ZFX: variants seen among roughly 807,000 people sequenced by gnomAD.
ZFX encodes zinc finger protein X-linked.
For synonymous variants in ZFX, 196 were observed against 226.8 expected, an observed-to-expected ratio of 0.86 and a Z score of 1.22; for missense variants, 362 against 628.3, an observed-to-expected ratio of 0.58 and a Z score of 4.53.
intron 3 of ZFX, among the ~76,000 whole-genome samples, chrX:24,164,549 T>C (rs1173951545): frequency 9.0e-6 from 1 of 111,717 alleles, no homozygotes; most frequent in Non-Finnish European, 1.9e-5. Context: ...AGGTGAGATA[T>C]AGTATGGTCA....
At chrX:24,178,475 G>A (rs1935372860) in intron 4 of ZFX, among the ~76,000 whole-genome samples, 1 of 108,654 alleles carries the variant, frequency 9.2e-6, no homozygotes, top group African/African-American at 3.4e-5. Context: ...ATTTTTAGTA[G>A]AGGCATGGTT....
At position 24,171,613 on chromosome X, in the gene ZFX, TATAAA is replaced by T. The variant is rs779249640; in HGVS notation, c.-28-1099_-28-1095del. On this transcript the variant is annotated intron_variant, in intron 3 of 9. Transcript: ENST00000304543. ...GAAATTTTAATAAGCATGTAGTACT[TATAAA>T]ATCAGCAAAAAAAAGCGGTAAAGGT... is the stretch of plus-strand genomic sequence containing the variant. Among the ~76,000 whole-genome samples the T allele has an allele frequency of 3.4e-3, 385 of 111,761 alleles. 2 individuals carry two copies. The highest frequency in any genetic ancestry group is 5.4e-3 in the Non-Finnish European group (289 of 53,143).
At chrX:24,200,176 T>C (rs1031796767) in intron 5 of ZFX, among the ~76,000 whole-genome samples, 2 of 111,243 alleles carry the variant, frequency 1.8e-5, no homozygotes, top group Admixed American at 1.9e-4. Context: ...TTCTGATTGT[T>C]TGAATTCTAG....
chrX:24,163,395 T>TG (rs1569128280), intron 3 of ZFX, among the ~76,000 whole-genome samples: 1 of 65,512 alleles, frequency 1.5e-5, no homozygotes, highest in Non-Finnish European at 2.6e-5. Flanking sequence ...TTTTTTTTTT[T>TG]GATACAGAGT....
At chrX:24,154,004 G>C (rs1329034060) in intron 3 of ZFX, among the ~76,000 whole-genome samples, 1 of 110,987 alleles carries the variant, frequency 9.0e-6, no homozygotes. Context: ...ATTGGAATAT[G>C]GCCAGCCTAT....
intron 4 of ZFX, among the ~76,000 whole-genome samples, chrX:24,175,973 T>C (rs1269419663): frequency 2.7e-5 from 3 of 111,634 alleles, no homozygotes; most frequent in African/African-American, 9.8e-5. Flanking sequence ...AATGATAATA[T>C]TGTGGATATT....
chrX:24,207,984 C>A, intron 7 of ZFX, 129 bp downstream of exon 7: 1 of 934,877 alleles, frequency 1.1e-6, no homozygotes, highest in Non-Finnish European at 1.5e-6. Context: ...ACATCTTTGA[C>A]TCTTTTATAT....
intron 5 of ZFX, among the ~76,000 whole-genome samples, chrX:24,195,626 A>G (rs924006616): frequency 3.6e-5 from 4 of 111,685 alleles, no homozygotes; most frequent in African/African-American, 1.3e-4. Flanking sequence ...AAGTGCTGGG[A>G]TTATAGGCGT....
intron 5 of ZFX, among the ~76,000 whole-genome samples, chrX:24,196,981 C>G (rs1371356057): frequency 2.7e-5 from 3 of 112,056 alleles, no homozygotes; most frequent in Admixed American, 9.5e-5. Flanking sequence ...ATAGTAGCCA[C>G]TAGCCACATA....
chrX:24,156,660 C>T lies in ZFX; in HGVS notation c.-29+3830C>T, dbSNP rs543377071. On this transcript the variant is annotated intron_variant, in intron 3 of 9. Coordinates refer to ENST00000304543, the MANE Select transcript of ZFX (RefSeq NM_003410.4). ...TATACTATCCTGATTTAATAATAGC[C>T]TTTTTTTTTTTGGAGACGGAGTTTT... 7.2e-5 allele frequency among the ~76,000 whole-genome samples: 6 copies of T among 83,579 alleles called. 1 individual carries two copies. Among genetic ancestry groups the T allele is most frequent in the African/African-American group, 5.3e-5 (1 of 18,866 alleles). 72.6% of individuals were successfully genotyped at this position (83,579 alleles called of 115,157 possible).
chrX:24,152,746 A>G lies in ZFX; in HGVS notation c.-113A>G, dbSNP rs534609887. Reference sequence around the variant, plus strand: ...TGGGAAAGACATAGAAGAACTATTAAGAAGATAGAATTGTTTTGCTGCGCA... The same window carrying G: ...TGGGAAAGACATAGAAGAACTATTAGGAAGATAGAATTGTTTTGCTGCGCA... On this transcript the variant is annotated 5_prime_UTR_variant, in exon 3 of 10. Coordinates refer to ENST00000304543, the MANE Select transcript of ZFX (RefSeq NM_003410.4). 1 of 112,455 alleles carries G rather than the reference A, an allele frequency of 8.9e-6. No homozygotes were observed. Among genetic ancestry groups the G allele is most frequent in the Admixed American group, 9.4e-5 (1 of 10,622 alleles). The allele number at this position is 112,455 out of a possible 1,213,427, so 9.3% of individuals were successfully genotyped here. A position where few individuals can be genotyped will look rare whatever the true frequency, so the allele number is the denominator to read the frequency against.
intron 5 of ZFX, among the ~76,000 whole-genome samples, chrX:24,194,189 A>G (rs1936738535): frequency 9.0e-6 from 1 of 111,491 alleles, no homozygotes; most frequent in South Asian, 3.7e-4. Flanking sequence ...GTATGGATAG[A>G]CCATATTGTG....
At chrX:24,182,045 G>C (rs1202512356) in intron 5 of ZFX, among the ~76,000 whole-genome samples, 5 of 110,946 alleles carry the variant, frequency 4.5e-5, no homozygotes. Flanking sequence ...AGATAAAAGA[G>C]GCTAGGGGTT....
chrX:24,199,563 G>T (rs900088813), intron 5 of ZFX, among the ~76,000 whole-genome samples: 1 of 111,135 alleles, frequency 9.0e-6, no homozygotes, highest in Non-Finnish European at 1.9e-5. Context: ...ACCTTGAAGT[G>T]ACTTTAAAGG....
At position 24,189,969 on chromosome X, in the gene ZFX, A is replaced by G. The variant is rs189826672; in HGVS notation, c.646+10199A>G. ...GGAAAAAGTTTGGAATTTGAAAACT[A>G]TATATCTACATGGGAATATTTCTGA... On this transcript the variant is annotated intron_variant, in intron 5 of 9. Transcript: ENST00000304543. Among the ~76,000 whole-genome samples the G allele has an allele frequency of 8.8e-4, 99 of 112,499 alleles. 1 individual carries two copies. Among genetic ancestry groups the G allele is most frequent in the Non-Finnish European group, 1.7e-3 (92 of 53,258 alleles).
rs751424706 is a variant in ZFX at position 24,211,310 on chromosome X, C to T, written c.2352C>T (p.Gly784=). ...YPHRCEYCKK[G]FRRPSEKNQH... ...ACCGGTGTGAGTACTGCAAGAAAGGCTTCCGAAGACCTTCAGAAAAGAACC... is the reference window on the plus strand; with the variant it reads ...ACCGGTGTGAGTACTGCAAGAAAGGTTTCCGAAGACCTTCAGAAAAGAACC... Residue 784 remains glycine, a synonymous_variant, in exon 10 of 10, where the codon GGC becomes GGT. Coordinates refer to ENST00000304543, the MANE Select transcript of ZFX (RefSeq NM_003410.4). The T allele has an allele frequency of 7.1e-5, 86 of 1,210,582 alleles. No individual in the cohort carries two copies. In the East Asian group the frequency reaches 2.3e-3, roughly 32 times the overall value.
At chrX:24,209,978 TACAGTCTTC>T (rs1937952425) in intron 9 of ZFX, among the ~76,000 whole-genome samples, 1 of 112,033 alleles carries the variant, frequency 8.9e-6, no homozygotes, top group Non-Finnish European at 1.9e-5. Context: ...GTGAAGGCGG[TACAGTCTTC>T]ATGAAGGAAG....
chrX:24,205,171 C>A (rs1414944865), intron 5 of ZFX, among the ~76,000 whole-genome samples: 2 of 112,190 alleles, frequency 1.8e-5, no homozygotes, highest in African/African-American at 3.2e-5. Flanking sequence ...GCTCAATGAG[C>A]CTTCTTTTCT....
chrX:24,207,245 A>AATT (rs760015277), intron 5 of ZFX, 81 bp from the exon 6 acceptor site: 40 of 753,036 alleles, frequency 5.3e-5, no homozygotes, highest in African/African-American at 1.0e-4. Flanking sequence ...AAAAAAAAAA[A>AATT]TTTTTTTTTT....
Sources: allele counts gnomAD v4.1 joint callset (sites outside exome capture counted in the v4.1 genomes callset), GRCh38; gene constraint gnomAD v4.1.1; transcripts MANE v1.5; gene names NCBI Gene and HGNC (gene_info 2026-07-23, HGNC 2026-07-21).